The following ZNF607 variants were observed in gnomAD, a reference collection of about 807,000 sequenced individuals.
ZNF607 encodes zinc finger protein 607.
Under a neutral mutation model 12.8 loss-of-function variants are expected in ZNF607, and 5 were observed. That is an observed-to-expected ratio of 0.39 (90% CI 0.20 to 0.82). The LOEUF (loss-of-function observed/expected upper bound fraction) is 0.82, where lower values mean the gene tolerates loss of function less well. ZNF607 is among the 40% of genes least tolerant of loss of function. The probability of loss-of-function intolerance (pLI) is 0.39; values close to 1 mark genes in which losing one functional copy is unlikely to be tolerated. For missense variants in ZNF607, 851 were observed against 859.2 expected (o/e 0.99, Z 0.12); for synonymous variants, 287 against 276.2 (o/e 1.04, Z -0.39).
rs2909091 is a variant in ZNF607 at position 37,697,570 on chromosome 19, G to C, written c.*470C>G. ...ATCATCCCAGCTATAGGAAGCAGAT[G>C]TTGATCATGAGCATTAAATATGCAG... On this transcript the variant is annotated 3_prime_UTR_variant, in exon 5 of 5. Coordinates refer to ENST00000355202, the MANE Select transcript of ZNF607 (RefSeq NM_032689.5). 3,125 of 488,858 alleles carry C rather than the reference G, an allele frequency of 6.4e-3. 79 individuals are homozygous for C. Among genetic ancestry groups the C allele is most frequent in the African/African-American group, 0.054 (2,782 of 51,286 alleles). 30.3% of individuals were successfully genotyped at this position (488,858 alleles called of 1,614,324 possible).
intron 1 of ZNF607, among the ~76,000 whole-genome samples, chr19:37,716,013 T>C (rs1384855817): frequency 1.3e-5 from 2 of 152,164 alleles, no homozygotes; most frequent in African/African-American, 4.8e-5. Context: ...GTATAAAAAC[T>C]TGGATTGTTT....
intron 4 of ZNF607, among the ~76,000 whole-genome samples, chr19:37,702,933 A>C (rs993303207): frequency 4.6e-5 from 7 of 151,846 alleles, no homozygotes; most frequent in Non-Finnish European, 1.0e-4. Context: ...CAACAGGTAA[A>C]TTTATTTATT....
In ZNF607 at chr19:37,698,732, G is replaced by C. The variant is rs142988797; in HGVS notation, c.1399C>G (p.His467Asp). 6.2e-7 allele frequency: 1 copy of C among 1,613,290 alleles called. No individual in the cohort carries two copies. The highest frequency in any genetic ancestry group is 1.1e-5 in the South Asian group (1 of 91,062). ...SFRCASYLVIHERIHTGEKPY... is the reference protein window; with the variant it reads ...SFRCASYLVIDERIHTGEKPY... ...TTCTCTCCTGTATGAATTCTCTCAT[G>C]TATAACAAGATATGAGGCACAACGA... The change falls in exon 5 of 5, where the codon CAT (histidine) becomes GAT (aspartate). Residue 467 changes from histidine to aspartate, a missense_variant. By Grantham distance (81) the His-to-Asp change is moderately conservative. Transcript: ENST00000355202.
chr19:37,698,797 C>G lies in ZNF607; in HGVS notation c.1334G>C (p.Gly445Ala), dbSNP rs1454603448. Residue 445 changes from glycine to alanine, a missense_variant, in exon 5 of 5, where the codon GGT becomes GCT. Coordinates refer to ENST00000355202, the MANE Select transcript of ZNF607 (RefSeq NM_032689.5). ...TTCTTTACATTCAAAGGGTTTGTAA[C>G]CAGTATGAATTCTGTTATGATGGGC... ...HLAHHNRIHT[G>A]YKPFECKECG... The G allele has an allele frequency of 6.2e-7, 1 of 1,613,728 alleles. No individual in the cohort carries two copies. The highest frequency in any genetic ancestry group is 8.5e-7 in the Non-Finnish European group (1 of 1,179,780).
chr19:37,708,938 G>A (rs1346796993), intron 3 of ZNF607, among the ~76,000 whole-genome samples: 1 of 151,852 alleles, frequency 6.6e-6, no homozygotes, highest in African/African-American at 2.4e-5. Context: ...CTGCTGGTCA[G>A]TATTCTCACT....
At position 37,698,870 on chromosome 19, in the gene ZNF607, A is replaced by T; in HGVS notation, c.1261T>A (p.Tyr421Asn). Residue 421 changes from tyrosine to asparagine, a missense_variant, in exon 5 of 5, where the codon TAC becomes AAC. Coordinates refer to ENST00000355202, the MANE Select transcript of ZNF607 (RefSeq NM_032689.5). Reference sequence around the variant, plus strand: ...GCCTTCCCACATTCCTTACATTTGTAGGGTTTCTCACCGGTATGAATATTT... The same window carrying T: ...GCCTTCCCACATTCCTTACATTTGTTGGGTTTCTCACCGGTATGAATATTT... ...HQNIHTGEKP[Y>N]KCKECGKAFS... The T allele has an allele frequency of 6.2e-7, 1 of 1,614,040 alleles. No homozygotes were observed. The highest frequency in any genetic ancestry group is 8.5e-7 in the Non-Finnish European group (1 of 1,179,974).
chr19:37,711,827 T>C, intron 1 of ZNF607, 135 bp from the exon 2 acceptor site: 1 of 548,820 alleles, frequency 1.8e-6, no homozygotes, highest in Non-Finnish European at 3.2e-6. Context: ...AAGATTAAGA[T>C]TCTGGATAAA....
At chr19:37,716,127 A>G (rs2045174567) in intron 1 of ZNF607, among the ~76,000 whole-genome samples, 1 of 152,236 alleles carries the variant, frequency 6.6e-6, no homozygotes, top group African/African-American at 2.4e-5. Flanking sequence ...TGACTTACAG[A>G]TCTAATGGGC....
At chr19:37,709,091 C>A (rs911128303) in intron 3 of ZNF607, among the ~76,000 whole-genome samples, 1 of 152,136 alleles carries the variant, frequency 6.6e-6, no homozygotes, top group Admixed American at 6.5e-5. Flanking sequence ...TAAGACTATA[C>A]AAGAAGAGAT....
intron 4 of ZNF607, among the ~76,000 whole-genome samples, chr19:37,702,978 G>T (rs2045051645): frequency 2.0e-5 from 3 of 150,776 alleles, no homozygotes. Flanking sequence ...TTGAGATGGA[G>T]TTTCGCTCTT....
chr19:37,715,052 G>A (rs138731786), intron 1 of ZNF607, among the ~76,000 whole-genome samples: 3 of 151,980 alleles, frequency 2.0e-5, no homozygotes, highest in East Asian at 2.0e-4. Flanking sequence ...AACTACAGGC[G>A]TGTGCCACCA....
At chr19:37,699,959 A>G (rs1294632253) in intron 4 of ZNF607, 64 bp from the exon 5 acceptor site, 1 of 1,380,182 alleles carries the variant, frequency 7.2e-7, no homozygotes, top group African/African-American at 1.4e-5. Flanking sequence ...TGTAGAATTA[A>G]GAGAAATTCT....
In ZNF607 at chr19:37,699,890, C is replaced by A. The variant is rs2045024229; in HGVS notation, c.241G>T (p.Asp81Tyr). ...EETRGECTDL[D>Y]SRCEIISDGK... is the part of the protein sequence containing the mutation. ...TCGCTGATTATTTCACATCTTGAATCCAAATCTAGAAGACATAAAATAAAA... is the reference window on the plus strand; with the variant it reads ...TCGCTGATTATTTCACATCTTGAATACAAATCTAGAAGACATAAAATAAAA... Residue 81 changes from aspartate (D) to tyrosine (Y), a missense_variant, in exon 5 of 5, where the codon GAT (aspartate) becomes TAT (tyrosine). Asp to Tyr is a radical substitution (Grantham distance 160, BLOSUM62 -3). Transcript: ENST00000355202. The A allele has an allele frequency of 1.9e-6, 3 of 1,579,544 alleles. No homozygotes were observed. Among genetic ancestry groups the A allele is most frequent in the Admixed American group, 1.9e-5 (1 of 53,048 alleles).
chr19:37,713,409 C>T (rs1189696896), intron 1 of ZNF607, among the ~76,000 whole-genome samples: 5 of 151,460 alleles, frequency 3.3e-5, no homozygotes, highest in East Asian at 1.9e-4. Context: ...TCAGGTGTGG[C>T]GTAGTAGAAG....
chr19:37,713,691 A>G (rs1323838195), intron 1 of ZNF607, among the ~76,000 whole-genome samples: 1 of 152,006 alleles, frequency 6.6e-6, no homozygotes, highest in Non-Finnish European at 1.5e-5. Context: ...TGCCAGCCTC[A>G]GCCTCCCACA....
At chr19:37,709,973 GGT>G in intron 2 of ZNF607, 151 bp from the exon 3 acceptor site, 1 of 793,018 alleles carries the variant, frequency 1.3e-6, no homozygotes, top group Non-Finnish European at 1.9e-6. Context: ...TGGTCAACAT[GGT>G]GAAACCCCGT....
In ZNF607 at chr19:37,709,240, C is replaced by A. The variant is rs117246089; in HGVS notation, c.136+456G>T. ...TAAGTTTCATTTATCCAGTCCACCA[C>A]TCTATGCCTATATGAACAGTCTCTT... On this transcript the variant is annotated intron_variant, in intron 3 of 4. Coordinates refer to ENST00000355202, the MANE Select transcript of ZNF607 (RefSeq NM_032689.5). Among the ~76,000 whole-genome samples the A allele has an allele frequency of 1.7e-3, 260 of 152,320 alleles. 8 individuals are homozygous for A. The East Asian group carries it at 0.035, about 21-fold the overall frequency.
chr19:37,708,042 C>T lies in ZNF607; in HGVS notation c.137-30G>A, dbSNP rs370375302. ...CAAAGAAAAGAAGTGCCACAAAATA[C>T]GGAAATCAACTTTGAAGGTAAAATT... On this transcript the variant is annotated intron_variant, in intron 3 of 4. Transcript: ENST00000355202. The T allele has an allele frequency of 7.1e-4, 1,110 of 1,561,352 alleles. 1 individual carries two copies. The highest frequency in any genetic ancestry group is 9.3e-4 in the Non-Finnish European group (1,060 of 1,140,918).
chr19:37,699,766 G>GAC lies in ZNF607; in HGVS notation c.363_364dup (p.Ser122CysfsTer404). On this transcript the variant is annotated frameshift_variant, in exon 5 of 5. Coordinates refer to ENST00000355202, the MANE Select transcript of ZNF607 (RefSeq NM_032689.5). LOFTEE classifies it low-confidence loss of function (END_TRUNC). ...CATGAGTTCTGTAAGATGACTAAAG[G>GAC]ACTTCTGACATTGCTTACACTCATA... 1 of 1,614,002 alleles carries GAC rather than the reference G, an allele frequency of 6.2e-7. No individual in the cohort carries two copies. Among genetic ancestry groups the GAC allele is most frequent in the Non-Finnish European group, 8.5e-7 (1 of 1,179,978 alleles).
Sources: gnomAD v4.1 joint callset for allele counts (sites outside exome capture counted in the v4.1 genomes callset) on GRCh38, gnomAD v4.1.1 for gene constraint, MANE v1.5 for transcripts, NCBI Gene and HGNC (gene_info 2026-07-23, HGNC 2026-07-21) for gene names.